KCNMA1: variants seen among roughly 807,000 people sequenced by gnomAD.
KCNMA1 encodes the protein Calcium-activated potassium channel subunit alpha-1.
A neutral mutation model predicts 140.0 loss-of-function variants in KCNMA1; 29 were observed. That is an observed-to-expected ratio of 0.21 (90% confidence interval 0.15 to 0.28). KCNMA1 has a LOEUF of 0.28. KCNMA1 is among the 10% of genes least tolerant of loss of function. The pLI, the probability that KCNMA1 is intolerant of heterozygous loss-of-function variation, is 1.00. For synonymous variants in KCNMA1, 612 were observed against 611.9 expected, an observed-to-expected ratio of 1.00 and a Z score of 0.00; for missense variants, 880 against 1,602.2, an observed-to-expected ratio of 0.55 and a Z score of 7.70.
intron 20 of KCNMA1, among the ~76,000 whole-genome samples, chr10:76,963,795 T>C (rs1189850743): frequency 1.3e-5 from 2 of 152,188 alleles, no homozygotes; most frequent in East Asian, 3.9e-4. Context: ...ATACTTACAA[T>C]TCAGTGTTCT....
chr10:77,112,474 G>A (rs531905552), intron 6 of KCNMA1, 32 bp from the exon 7 acceptor site: 12 of 1,566,784 alleles, frequency 7.7e-6, no homozygotes, highest in South Asian at 5.5e-5. Flanking sequence ...AAATCCCCAC[G>A]TTACCAAGGG....
chr10:77,382,992 GTGTATATATATATA>G (rs1454577164), intron 2 of KCNMA1, among the ~76,000 whole-genome samples: 11 of 44,486 alleles, frequency 2.5e-4, no homozygotes, highest in African/African-American at 1.5e-3. Context: ...GTGTGTGTGT[GTGTATATATATATA>G]TATATATATA....
rs1324485389 is a variant in KCNMA1 at position 77,636,866 on chromosome 10, C to T, written c.378+399G>A. On this transcript the variant is annotated intron_variant, in intron 1 of 27. Coordinates refer to ENST00000286628, the MANE Select transcript of KCNMA1 (RefSeq NM_001161352.2). ...TCGCCCACCGCCAGGAGCCGAGCCC[C>T]GGCAGGTGAGCGGTGCAAAACACGC... 7.7e-6 allele frequency: 11 copies of T among 1,429,198 alleles called. No homozygotes were observed. The Admixed American group carries it at 8.9e-5, about 12-fold the overall frequency. The allele number at this position is 1,429,198 out of a possible 1,614,324, so 88.5% of individuals were successfully genotyped here.
intron 14 of KCNMA1, among the ~76,000 whole-genome samples, chr10:77,049,490 A>T (rs988107876): frequency 1.5e-4 from 23 of 152,216 alleles, no homozygotes; most frequent in African/African-American, 5.5e-4. Flanking sequence ...GAAGAGAACT[A>T]CAATGAGGTG....
intron 25 of KCNMA1, among the ~76,000 whole-genome samples, chr10:76,894,817 A>G (rs1564756419): frequency 6.6e-6 from 1 of 152,234 alleles, no homozygotes; most frequent in Non-Finnish European, 1.5e-5. Flanking sequence ...ACTGATGATA[A>G]TAACAAGAAT....
intron 20 of KCNMA1, among the ~76,000 whole-genome samples, chr10:76,955,328 C>G (rs2067828510): frequency 6.6e-6 from 1 of 151,910 alleles, no homozygotes; most frequent in Non-Finnish European, 1.5e-5. Context: ...GGACAGCAAT[C>G]TCTTCCATGG....
At chr10:77,268,887 G>A (rs2064180818) in intron 2 of KCNMA1, among the ~76,000 whole-genome samples, 1 of 152,176 alleles carries the variant, frequency 6.6e-6, no homozygotes, top group African/African-American at 2.4e-5. Flanking sequence ...CGCCTCAGTA[G>A]TGACTGAACA....
At chr10:76,996,954 G>A (rs753456791) in intron 19 of KCNMA1, among the ~76,000 whole-genome samples, 24 of 152,128 alleles carry the variant, frequency 1.6e-4, no homozygotes, top group African/African-American at 3.6e-4. Flanking sequence ...TTTAACAGGC[G>A]TTGGAGACTG....
chr10:77,455,838 A>T (rs897631993), intron 1 of KCNMA1, among the ~76,000 whole-genome samples: 3 of 152,214 alleles, frequency 2.0e-5, no homozygotes, highest in Admixed American at 1.3e-4. Flanking sequence ...CAGCCCATTC[A>T]TTTAATCCAA....
intron 5 of KCNMA1, among the ~76,000 whole-genome samples, chr10:77,150,773 A>C (rs2154053742): frequency 6.6e-6 from 1 of 152,298 alleles, no homozygotes; most frequent in South Asian, 2.1e-4. Flanking sequence ...TAACAAAAGA[A>C]CTTCAAGTTT....
chr10:77,538,664 C>G (rs1343418279), intron 1 of KCNMA1, among the ~76,000 whole-genome samples: 1 of 152,164 alleles, frequency 6.6e-6, no homozygotes, highest in Non-Finnish European at 1.5e-5. Context: ...TGGTGAGTCC[C>G]ATCTATGATC....
At chr10:77,126,765 G>C (rs2097751016) in intron 5 of KCNMA1, among the ~76,000 whole-genome samples, 1 of 138,394 alleles carries the variant, frequency 7.2e-6, no homozygotes, top group Admixed American at 8.2e-5. Context: ...GGCTGATGTA[G>C]GGACAAAGGT....
intron 1 of KCNMA1, chr10:77,636,872 G>A (rs2093800878): frequency 2.8e-6 from 4 of 1,429,760 alleles, no homozygotes; most frequent in Admixed American, 3.0e-5. Context: ...GCCCCGGCAG[G>A]TGAGCGGTGC....
chr10:77,408,274 CCA>C lies in KCNMA1; in HGVS notation c.379-4253_379-4252del, dbSNP rs199513034. Reference sequence around the variant, plus strand: ...TCCAAATAGCAAAGGGGATATGCAGCCACGCCCAAACCTTCCACCTCCCACTG... The same window carrying C: ...TCCAAATAGCAAAGGGGATATGCAGCCGCCCAAACCTTCCACCTCCCACTG... On this transcript the variant is annotated intron_variant, in intron 1 of 27. Coordinates refer to ENST00000286628, the MANE Select transcript of KCNMA1 (RefSeq NM_001161352.2). Among the ~76,000 whole-genome samples the C allele has an allele frequency of 5.5e-3, 832 of 152,358 alleles. 3 individuals carry two copies. The highest frequency in any genetic ancestry group is 0.027 in the Middle Eastern group (8 of 294).
intron 1 of KCNMA1, among the ~76,000 whole-genome samples, chr10:77,625,999 C>A (rs1229938521): frequency 6.7e-6 from 1 of 149,790 alleles, no homozygotes; most frequent in East Asian, 1.9e-4. Context: ...TTCTCCACAT[C>A]CTCACCAACA....
At chr10:77,152,219 T>C (rs2098425730) in intron 5 of KCNMA1, among the ~76,000 whole-genome samples, 1 of 152,090 alleles carries the variant, frequency 6.6e-6, no homozygotes, top group Non-Finnish European at 1.5e-5. Context: ...CTACCATGCA[T>C]AAGCTGTTTC....
chr10:77,287,653 G>T (rs1040343127), intron 2 of KCNMA1, among the ~76,000 whole-genome samples: 1 of 152,184 alleles, frequency 6.6e-6, no homozygotes, highest in Non-Finnish European at 1.5e-5. Context: ...GTTGGCATGA[G>T]GATCTCCTGC....
In KCNMA1 at chr10:77,401,236, A is replaced by T. The variant is rs372752963; in HGVS notation, c.540+2626T>A. On this transcript the variant is annotated intron_variant, in intron 2 of 27. Transcript: ENST00000286628. ...CGATCTCAGCAGAGCCGCTCACTGC[A>T]AGTTCCGCCTCCTGGGTCCGTGCCA... is the stretch of plus-strand genomic sequence containing the variant. Among the ~76,000 whole-genome samples, 38 of 151,884 alleles carry T rather than the reference A, an allele frequency of 2.5e-4. No individual in the cohort carries two copies. The East Asian group carries it at 3.3e-3, about 13-fold the overall frequency.
rs139774027 is a variant in KCNMA1 at position 77,252,525 on chromosome 10, T to TTGTGTGTGTGTGTGTG, written c.541-1285_541-1270dup. On this transcript the variant is annotated intron_variant, in intron 2 of 27. Transcript: ENST00000286628. Reference sequence around the variant, plus strand: ...TGTAAAGACTAAGCATGATCAAGCTTTGTGTGTGTGTGTGTGTGTGTGTGT... The same window carrying TTGTGTGTGTGTGTGTG: ...TGTAAAGACTAAGCATGATCAAGCTTTGTGTGTGTGTGTGTGTGTGTGTGTGTGTGTGTGTGTGTGT... Among the ~76,000 whole-genome samples the TTGTGTGTGTGTGTGTG allele has an allele frequency of 1.1e-3, 155 of 145,818 alleles. 3 individuals carry two copies. Among genetic ancestry groups the TTGTGTGTGTGTGTGTG allele is most frequent in the African/African-American group, 3.0e-3 (116 of 38,768 alleles).
Sources: gnomAD v4.1 joint callset for allele counts (sites outside exome capture counted in the v4.1 genomes callset) on GRCh38, gnomAD v4.1.1 for gene constraint, MANE v1.5 for transcripts, NCBI Gene and HGNC (gene_info 2026-07-23, HGNC 2026-07-21) for gene names.